The following KATNAL2 variants were observed in gnomAD, a reference collection of about 807,000 sequenced individuals.
KATNAL2 encodes katanin catalytic subunit A1 like 2.
Under a neutral mutation model 76.3 loss-of-function variants are expected in KATNAL2, and 52 were observed. That is an observed-to-expected ratio of 0.68 (90% confidence interval 0.55 to 0.86). The LOEUF (loss-of-function observed/expected upper bound fraction) is 0.86, where lower values mean the gene tolerates loss of function less well. Among genes scored for constraint, KATNAL2 ranks in the 40% least tolerant of loss-of-function variants. The pLI is 0.00. For missense variants in KATNAL2, 660 were observed against 668.9 expected (o/e 0.99, Z 0.15); for synonymous variants, 243 against 244.2 (o/e 1.00, Z 0.05).
At chr18:46,952,638 A>T (rs992782135) in intron 3 of KATNAL2, among the ~76,000 whole-genome samples, 2 of 151,752 alleles carry the variant, frequency 1.3e-5, no homozygotes, top group Non-Finnish European at 2.9e-5. Context: ...TGACCTCATG[A>T]TCCACCTGCC....
At chr18:46,934,816 A>G (rs555220730) in intron 1 of KATNAL2, among the ~76,000 whole-genome samples, 1 of 152,182 alleles carries the variant, frequency 6.6e-6, no homozygotes, top group East Asian at 1.9e-4. Flanking sequence ...ATCTTGAATT[A>G]ATTTTTGTAT....
chr18:47,044,478 G>A (rs183355300), intron 3 of KATNAL2, among the ~76,000 whole-genome samples: 2 of 152,164 alleles, frequency 1.3e-5, no homozygotes, highest in Non-Finnish European at 2.9e-5. Context: ...TAAAATGATG[G>A]CCAGGTGCGG....
chr18:46,918,179 GTAGA>G (rs966346132), intron 1 of KATNAL2: 1 of 152,168 alleles, frequency 6.6e-6, no homozygotes, highest in African/African-American at 2.4e-5. Flanking sequence ...GGCAGAGTAA[GTAGA>G]TAGAAGGAAG....
chr18:47,034,107 G>C (rs765590230), intron 3 of KATNAL2: 30 of 1,614,230 alleles, frequency 1.9e-5, no homozygotes, highest in Non-Finnish European at 2.4e-5. Context: ...CGTAGGTGAG[G>C]TATTTTTCAC....
At chr18:47,033,767 C>T in intron 3 of KATNAL2, 2 of 1,614,246 alleles carry the variant, frequency 1.2e-6, no homozygotes, top group Non-Finnish European at 1.7e-6. Flanking sequence ...AAAGCAGCTT[C>T]CTCCCGGAAC....
intron 1 of KATNAL2, among the ~76,000 whole-genome samples, chr18:46,919,062 T>C (rs1478844005): frequency 6.6e-6 from 1 of 151,510 alleles, no homozygotes; most frequent in Non-Finnish European, 1.5e-5. Flanking sequence ...CACACACATA[T>C]TGTTTTGGCC....
chr18:47,064,479 G>A (rs1439769234), intron 10 of KATNAL2, among the ~76,000 whole-genome samples: 2 of 152,142 alleles, frequency 1.3e-5, no homozygotes, highest in African/African-American at 2.4e-5. Flanking sequence ...CACACCTATA[G>A]AAGAGGGGAC....
intron 3 of KATNAL2, among the ~76,000 whole-genome samples, chr18:46,955,190 T>TTTC: frequency 2.5e-5 from 1 of 40,802 alleles, no homozygotes; most frequent in South Asian, 7.3e-4. Context: ...TTCTTTCCTC[T>TTTC]CTCTTTTTCT....
At chr18:47,087,099 T>G (rs780657496) in intron 15 of KATNAL2, among the ~76,000 whole-genome samples, 6 of 152,244 alleles carry the variant, frequency 3.9e-5, no homozygotes, top group African/African-American at 1.2e-4. Context: ...ACCTTTCTGG[T>G]GAAAATGGTT....
At chr18:47,032,663 G>T in intron 3 of KATNAL2, 2 of 330,928 alleles carry the variant, frequency 6.0e-6, no homozygotes, top group South Asian at 3.9e-5. Context: ...ACTTGATTTC[G>T]AAAAAAAAAA....
At chr18:47,081,210 T>A (rs2062503053) in intron 15 of KATNAL2, among the ~76,000 whole-genome samples, 1 of 152,168 alleles carries the variant, frequency 6.6e-6, no homozygotes, top group African/African-American at 2.4e-5. Flanking sequence ...GTGTGTCTCA[T>A]TTCCCAAGTC....
At chr18:46,942,027 T>C (rs866365579) in intron 1 of KATNAL2, among the ~76,000 whole-genome samples, 24 of 152,072 alleles carry the variant, frequency 1.6e-4, no homozygotes, top group African/African-American at 5.8e-4. Context: ...GTGAGTGCTT[T>C]GGCGGGAGTC....
chr18:47,037,703 G>C (rs577063636), intron 3 of KATNAL2, among the ~76,000 whole-genome samples: 4 of 152,274 alleles, frequency 2.6e-5, no homozygotes, highest in African/African-American at 9.6e-5. Flanking sequence ...ATTTGGAATA[G>C]TGTTTTTAAA....
intron 3 of KATNAL2, among the ~76,000 whole-genome samples, chr18:47,025,025 G>C (rs2060264107): frequency 8.8e-6 from 1 of 113,696 alleles, no homozygotes; most frequent in Non-Finnish European, 1.9e-5. Flanking sequence ...TTCTGAAAAC[G>C]CTCTGCTAGC....
intron 12 of KATNAL2, 56 bp from the exon 13 acceptor site, chr18:47,069,426 A>G (rs1227814099): frequency 5.5e-6 from 8 of 1,443,628 alleles, no homozygotes; most frequent in East Asian, 2.3e-5. Flanking sequence ...ACTTCTGTCT[A>G]TAAGCAGGGG....
intron 15 of KATNAL2, among the ~76,000 whole-genome samples, chr18:47,080,921 T>C (rs184094288): frequency 6.6e-6 from 1 of 152,324 alleles, no homozygotes; most frequent in East Asian, 1.9e-4. Flanking sequence ...ATATTCCAGA[T>C]ACAAGCCCTC....
intron 1 of KATNAL2, among the ~76,000 whole-genome samples, chr18:46,935,262 A>G (rs2059054091): frequency 6.6e-6 from 1 of 152,206 alleles, no homozygotes; most frequent in Non-Finnish European, 1.5e-5. Flanking sequence ...ACCAGAACAC[A>G]TGCTAGAAGA....
intron 4 of KATNAL2, 52 bp from the exon 5 acceptor site, chr18:47,052,828 T>C: frequency 7.2e-7 from 1 of 1,397,858 alleles, no homozygotes; most frequent in Non-Finnish European, 9.7e-7. Flanking sequence ...CTGTTAGCCA[T>C]TATTCTTTTC....
Position 46,932,559 on chromosome 18 carries a change from C to T in KATNAL2, c.-509-13498C>T, listed in dbSNP as rs558968927. ...CATGGTGCTGTGCGCCTGTATGCAC[C>T]GCCACTCAGGAGGCTGAGGCATGAG... On this transcript the variant is annotated intron_variant, in intron 1 of 17. Transcript: ENST00000683218. 3.3e-5 allele frequency among the ~76,000 whole-genome samples: 5 copies of T among 149,864 alleles called. No individual in the cohort carries two copies. The South Asian group carries it at 6.4e-4, about 19-fold the overall frequency.
Sources: gnomAD v4.1 joint callset for allele counts (sites outside exome capture counted in the v4.1 genomes callset) on GRCh38, gnomAD v4.1.1 for gene constraint, MANE v1.5 for transcripts, NCBI Gene and HGNC (gene_info 2026-07-23, HGNC 2026-07-21) for gene names.